Variants in BPTF observed in about 807,000 individuals in gnomAD.
The protein encoded by BPTF is bromodomain PHD finger transcription factor.
In BPTF, 18 loss-of-function variants were observed where a neutral mutation model predicts 292.5. The observed-to-expected ratio is 0.06, with a 90% CI of 0.04 to 0.09. BPTF has a LOEUF of 0.09. BPTF is among the 10% of genes least tolerant of loss of function. The pLI, the probability that BPTF is intolerant of heterozygous loss-of-function variation, is 1.00. For synonymous variants in BPTF, 1,225 were observed against 1,251.9 expected (o/e 0.98, Z 0.45); for missense variants, 2,726 against 3,498.7 (o/e 0.78, Z 5.57).
intron 1 of BPTF, among the ~76,000 whole-genome samples, chr17:67,849,783 C>G (rs1567895409): frequency 1.3e-5 from 2 of 151,508 alleles, no homozygotes; most frequent in African/African-American, 2.4e-5. Context: ...ACTAAAAATA[C>G]AAAAAAAATT....
At chr17:67,873,286 C>T (rs534828223) in intron 3 of BPTF, among the ~76,000 whole-genome samples, 79 of 151,776 alleles carry the variant, frequency 5.2e-4, no homozygotes, top group African/African-American at 1.9e-3. Context: ...GGTGAAACCC[C>T]GTCTCTACTA....
At chr17:67,831,395 G>A (rs895425541) in intron 1 of BPTF, among the ~76,000 whole-genome samples, 1 of 152,128 alleles carries the variant, frequency 6.6e-6, no homozygotes, top group East Asian at 1.9e-4. Context: ...GAGCCAAAAG[G>A]GTTATGAAAA....
At chr17:67,845,720 C>G (rs1398296565) in intron 1 of BPTF, among the ~76,000 whole-genome samples, 1 of 151,928 alleles carries the variant, frequency 6.6e-6, no homozygotes, top group Non-Finnish European at 1.5e-5. Context: ...CTGCAGTGAG[C>G]TATGATAGCA....
rs547970405 is a variant in BPTF, at chr17:67,932,136, A to G, written c.6259+117A>G. ...ATAATTTTAATTAGTACTTCAAAGC[A>G]TACTAAATTTCTAATCCATTGTGAG... On this transcript the variant is annotated intron_variant, in intron 18 of 27. Transcript: ENST00000306378. The G allele has an allele frequency of 1.1e-3, 872 of 827,928 alleles. 1 individual carries two copies. The highest frequency in any genetic ancestry group is 1.3e-3 in the Non-Finnish European group (710 of 530,488). The allele number at this position is 827,928 out of a possible 1,614,324, so 51.3% of individuals were successfully genotyped here.
chr17:67,944,647 A>C, intron 20 of BPTF: 1 of 462,710 alleles, frequency 2.2e-6, no homozygotes, highest in Non-Finnish European at 4.0e-6. Context: ...GCCCACACTT[A>C]CTCCTTGCTA....
chr17:67,854,482 G>C lies in BPTF; in HGVS notation c.1156G>C (p.Val386Leu). ...IAREELMSEG[V>L]IQYDDHCRVC... ...TCGAGAGGAATTGATGTCTGAAGGGGTGATACAGTATGATGACCATTGTAG... is the reference window on the plus strand; with the variant it reads ...TCGAGAGGAATTGATGTCTGAAGGGCTGATACAGTATGATGACCATTGTAG... The change falls in exon 2 of 28, where the codon GTG becomes CTG. Residue 386 changes from valine to leucine, a missense_variant. This residue lies in a region of BPTF where 102 missense variants were observed against 212.6 expected (regional missense o/e 0.48). Transcript: ENST00000306378. This position sits in a 1 kb window ranked among gnomAD's most constrained non-coding sequence, Gnocchi z 5.6. The C allele has an allele frequency of 6.2e-7, 1 of 1,614,214 alleles. No homozygotes were observed. Among genetic ancestry groups the C allele is most frequent in the Non-Finnish European group, 8.5e-7 (1 of 1,180,038 alleles).
intron 18 of BPTF, chr17:67,936,524 T>G (rs1189157664): frequency 6.6e-6 from 1 of 152,172 alleles, no homozygotes; most frequent in Non-Finnish European, 1.5e-5. Flanking sequence ...AAGTATGTGT[T>G]TGTCTGACAT....
At chr17:67,887,009 G>A (rs1205911411) in intron 4 of BPTF, among the ~76,000 whole-genome samples, 1 of 152,132 alleles carries the variant, frequency 6.6e-6, no homozygotes, top group Non-Finnish European at 1.5e-5. Flanking sequence ...ACAGTAAGTG[G>A]ACTTGCTGGT....
chr17:67,830,388 A>G (rs2056556392), intron 1 of BPTF, among the ~76,000 whole-genome samples: 1 of 152,246 alleles, frequency 6.6e-6, no homozygotes, highest in Admixed American at 6.5e-5. Context: ...GATCAGTGGC[A>G]GAGATGCCAT....
In BPTF at chr17:67,917,131, C is replaced by CCTTTTTTTTTTTTTTTTTTTTTTTTT. The variant is rs2063065953; in HGVS notation, c.5304-1583_5304-1582insCTTTTTTTTTTTTTTTTTTTTTTTTT. Among the ~76,000 whole-genome samples the CCTTTTTTTTTTTTTTTTTTTTTTTTT allele has an allele frequency of 2.9e-4, 31 of 105,788 alleles. 2 individuals are homozygous for CCTTTTTTTTTTTTTTTTTTTTTTTTT. The highest frequency in any genetic ancestry group is 1.1e-3 in the African/African-American group (30 of 27,636). The allele number at this position is 105,788 out of a possible 152,430, so 69.4% of individuals were successfully genotyped here. A position where few individuals can be genotyped will look rare whatever the true frequency, so the allele number is the denominator to read the frequency against. On this transcript the variant is annotated intron_variant, in intron 11 of 27. Transcript: ENST00000306378. ...GATAAGTAACTAATATGGTATTGTC[C>CCTTTTTTTTTTTTTTTTTTTTTTTTT]TTTTTTTTTTTTTTTTTTTGAGATA... is the stretch of plus-strand genomic sequence containing the variant.
intron 22 of BPTF, 50 bp downstream of exon 22, chr17:67,947,858 T>A (rs886666063): frequency 1.3e-6 from 2 of 1,500,222 alleles, no homozygotes; most frequent in African/African-American, 2.8e-5. Context: ...CTCTTTATCG[T>A]GCACACGCAC....
At chr17:67,970,904 CTTGT>C (rs2068684327) in intron 26 of BPTF, among the ~76,000 whole-genome samples, 2 of 152,162 alleles carry the variant, frequency 1.3e-5, no homozygotes, top group Non-Finnish European at 2.9e-5. Context: ...TCTGCCTGTA[CTTGT>C]TTGTTCTAAG....
intron 4 of BPTF, 56 bp downstream of exon 4, chr17:67,875,076 T>TTG: frequency 1.4e-6 from 2 of 1,474,906 alleles, no homozygotes; most frequent in Non-Finnish European, 9.3e-7. Context: ...TTATGAAATC[T>TTG]CCAGTTTTAC....
chr17:67,927,368 A>C (rs1290913685), intron 15 of BPTF, among the ~76,000 whole-genome samples: 2 of 152,236 alleles, frequency 1.3e-5, no homozygotes, highest in African/African-American at 2.4e-5. Context: ...GCAATCTATA[A>C]TAAAAGATAT....
At chr17:67,868,667 G>A (rs1217819440) in intron 3 of BPTF, among the ~76,000 whole-genome samples, 1 of 152,098 alleles carries the variant, frequency 6.6e-6, no homozygotes, top group Non-Finnish European at 1.5e-5. Flanking sequence ...CTGCTCTTCT[G>A]CATACATTAT....
At position 67,948,543 on chromosome 17, in the gene BPTF, G is replaced by A. The variant is rs529172388; in HGVS notation, c.7926+237G>A. Among the ~76,000 whole-genome samples the A allele has an allele frequency of 2.0e-5, 3 of 152,270 alleles. No individual in the cohort carries two copies. In the East Asian group the frequency reaches 5.8e-4, roughly 29 times the overall value. On this transcript the variant is annotated intron_variant, in intron 23 of 27. Coordinates refer to ENST00000306378, the MANE Select transcript of BPTF (RefSeq NM_182641.4). ...ACTAGCAACTCTGAGAGGTGAGCTT[G>A]TTGATTGAATTGTTGAAAAACTCTG...
chr17:67,906,569 G>A (rs192269196), intron 9 of BPTF, among the ~76,000 whole-genome samples: 142 of 152,272 alleles, frequency 9.3e-4, no homozygotes, highest in African/African-American at 3.3e-3. Flanking sequence ...GTGATAGAAC[G>A]CTGGCAGGTC....
intron 18 of BPTF, among the ~76,000 whole-genome samples, chr17:67,939,724 C>CA (rs1346738813): frequency 2.0e-5 from 3 of 152,090 alleles, no homozygotes; most frequent in African/African-American, 7.2e-5. Context: ...AAAACAAATA[C>CA]AAAAAATTAG....
In BPTF at chr17:67,880,962, C is replaced by T. The variant is rs546664426; in HGVS notation, c.1864+5942C>T. Among the ~76,000 whole-genome samples the T allele has an allele frequency of 6.5e-3, 965 of 148,520 alleles. 4 individuals carry two copies. Among genetic ancestry groups the T allele is most frequent in the Non-Finnish European group, 8.0e-3 (535 of 66,574 alleles). On this transcript the variant is annotated intron_variant, in intron 4 of 27. Coordinates refer to ENST00000306378, the MANE Select transcript of BPTF (RefSeq NM_182641.4). The stretch of plus-strand genomic sequence containing the variant: ...TGTATGTATATTATATATATATACA[C>T]ACACACACACACACACACGTATATA...
Sources: allele counts gnomAD v4.1 joint callset (sites outside exome capture counted in the v4.1 genomes callset), GRCh38; gene constraint gnomAD v4.1.1; regional missense constraint gnomAD v4.1.1; non-coding constraint Gnocchi (gnomAD v3.1); transcripts MANE v1.5; gene names NCBI Gene and HGNC (gene_info 2026-07-23, HGNC 2026-07-21).